Variants in RASGRF2 observed in about 807,000 individuals in gnomAD.
The protein encoded by RASGRF2 is Ras protein specific guanine nucleotide releasing factor 2.
A neutral mutation model predicts 151.0 loss-of-function variants in RASGRF2; 76 were observed. The ratio of observed to expected loss-of-function variants is 0.50; its 90% confidence interval spans 0.42 to 0.61. The LOEUF (loss-of-function observed/expected upper bound fraction) is 0.61, where lower values mean the gene tolerates loss of function less well. Ranked by LOEUF, RASGRF2 falls within the 20% of genes least tolerant of loss-of-function variation. The pLI is 0.00. For synonymous variants in RASGRF2, 504 were observed against 566.5 expected, an observed-to-expected ratio of 0.89 and a Z score of 1.57; for missense variants, 1,148 against 1,564.6, an observed-to-expected ratio of 0.73 and a Z score of 4.49.
At chr5:81,056,576 G>T (rs1751220851) in intron 2 of RASGRF2, among the ~76,000 whole-genome samples, 1 of 152,128 alleles carries the variant, frequency 6.6e-6, no homozygotes, top group African/African-American at 2.4e-5. Flanking sequence ...AATAAGTGCG[G>T]TGTGGTGCTG....
chr5:80,977,699 C>T (rs375623777), intron 1 of RASGRF2, among the ~76,000 whole-genome samples: 23 of 152,282 alleles, frequency 1.5e-4, no homozygotes, highest in South Asian at 4.1e-4. Flanking sequence ...TCAGGTGATC[C>T]GCCTGCTTCG....
chr5:81,041,783 C>T (rs939404235), intron 1 of RASGRF2, among the ~76,000 whole-genome samples: 1 of 152,146 alleles, frequency 6.6e-6, no homozygotes, highest in African/African-American at 2.4e-5. Context: ...CTTGGATTTG[C>T]GTAACCTCCA....
intron 2 of RASGRF2, among the ~76,000 whole-genome samples, chr5:81,044,045 G>A (rs1429205225): frequency 6.6e-6 from 1 of 152,158 alleles, no homozygotes. Context: ...GAGGGATTGG[G>A]GCACATTCAT....
At chr5:81,178,095 A>G (rs560052135) in intron 17 of RASGRF2, among the ~76,000 whole-genome samples, 31 of 152,324 alleles carry the variant, frequency 2.0e-4, no homozygotes, top group Non-Finnish European at 3.4e-4. Flanking sequence ...AGAGAGGAAA[A>G]CAAATTTGAG....
chr5:81,166,183 T>G (rs1198085489), intron 17 of RASGRF2, among the ~76,000 whole-genome samples: 1 of 152,032 alleles, frequency 6.6e-6, no homozygotes, highest in Non-Finnish European at 1.5e-5. Flanking sequence ...TTTTTTTCTT[T>G]TCTTCTTTTT....
At chr5:81,123,493 G>A (rs966057169) in intron 15 of RASGRF2, 149 bp from the exon 16 acceptor site, 1 of 974,474 alleles carries the variant, frequency 1.0e-6, no homozygotes, top group Non-Finnish European at 1.5e-6. Flanking sequence ...TTTAGATTTA[G>A]TGTCATTAGT....
chr5:81,058,652 A>G (rs1751308325), intron 2 of RASGRF2, among the ~76,000 whole-genome samples: 1 of 152,044 alleles, frequency 6.6e-6, no homozygotes, highest in Admixed American at 6.5e-5. Flanking sequence ...AAACACAAAC[A>G]ATTGGCCATG....
chr5:81,090,288 G>A (rs1302978822), intron 9 of RASGRF2, among the ~76,000 whole-genome samples: 1 of 152,150 alleles, frequency 6.6e-6, no homozygotes, highest in Non-Finnish European at 1.5e-5. Flanking sequence ...CCATTCTGTG[G>A]GAATGAAGTG....
chr5:81,072,677 A>G (rs1751813069), intron 4 of RASGRF2, among the ~76,000 whole-genome samples: 1 of 152,204 alleles, frequency 6.6e-6, no homozygotes, highest in Non-Finnish European at 1.5e-5. Flanking sequence ...GTCTGGTAAC[A>G]CGAGATTAAA....
rs147551564 is a variant in RASGRF2, at chr5:81,212,397, A to G, written c.3188A>G (p.Asn1063Ser). 3.9e-5 allele frequency: 63 copies of G among 1,612,214 alleles called. No homozygotes were observed. The African/African-American group carries it at 7.6e-4, about 19-fold the overall frequency. Residue 1063 changes from asparagine to serine, a missense_variant, in exon 23 of 27, where the codon AAC becomes AGC. By Grantham distance (46) the Asn-to-Ser change is conservative. This residue lies in a region of RASGRF2 where 646 missense variants were observed against 807.4 expected (regional missense o/e 0.80). Transcript: ENST00000265080. ...AACCTGGTGGCCTCCCAGATAATGA[A>G]CTATGCTGATGTCAGCTCCCGTGCC... ...MSNLVASQIM[N>S]YADVSSRANA...
At chr5:81,141,527 A>G (rs1279491372) in intron 17 of RASGRF2, among the ~76,000 whole-genome samples, 1 of 152,182 alleles carries the variant, frequency 6.6e-6, no homozygotes, top group Non-Finnish European at 1.5e-5. Context: ...AGATCTCTCC[A>G]CTGCTAAACT....
chr5:81,004,254 T>C (rs1276479690), intron 1 of RASGRF2, among the ~76,000 whole-genome samples: 1 of 152,244 alleles, frequency 6.6e-6, no homozygotes, highest in Non-Finnish European at 1.5e-5. Flanking sequence ...AGCAGTTTCC[T>C]GTCATTTAAC....
chr5:81,190,847 C>T (rs1165580915), intron 18 of RASGRF2, among the ~76,000 whole-genome samples: 3 of 152,286 alleles, frequency 2.0e-5, no homozygotes, highest in East Asian at 1.9e-4. Flanking sequence ...CATTAGCTGC[C>T]GAAACAGAAA....
chr5:81,228,121 T>G lies in RASGRF2; in HGVS notation c.*2351T>G, dbSNP rs1423168627. The G allele has an allele frequency of 6.6e-6, 1 of 152,530 alleles. No homozygotes were observed. Among genetic ancestry groups the G allele is most frequent in the Non-Finnish European group, 1.5e-5 (1 of 68,302 alleles). 9.4% of individuals were successfully genotyped at this position (152,530 alleles called of 1,614,324 possible). On this transcript the variant is annotated 3_prime_UTR_variant, in exon 27 of 27. Transcript: ENST00000265080. ...TTGTTTGAAAAACAGGGTCTCACCA[T>G]GTTGCCCAGGCTGGTCTCGAACTCC...
chr5:81,038,872 G>A (rs917850073), intron 1 of RASGRF2, among the ~76,000 whole-genome samples: 1 of 152,052 alleles, frequency 6.6e-6, no homozygotes, highest in Non-Finnish European at 1.5e-5. Flanking sequence ...CCCTGTGCCC[G>A]GCCTATATTC....
chr5:81,207,179 C>T, intron 20 of RASGRF2, 67 bp from the exon 21 acceptor site: 1 of 1,328,488 alleles, frequency 7.5e-7, no homozygotes, highest in African/African-American at 1.4e-5. Context: ...GTCTGCCTCA[C>T]TGACCTGCAA....
chr5:81,208,134 G>A (rs1042040061), intron 21 of RASGRF2, among the ~76,000 whole-genome samples: 3 of 152,186 alleles, frequency 2.0e-5, no homozygotes, highest in African/African-American at 7.2e-5. Context: ...ACATTTATAA[G>A]AGAAAGCTGG....
At chr5:80,961,432 G>C (rs1747551999) in intron 1 of RASGRF2, among the ~76,000 whole-genome samples, 1 of 152,204 alleles carries the variant, frequency 6.6e-6, no homozygotes, top group Admixed American at 6.5e-5. Flanking sequence ...TTTGATTTCT[G>C]CCATACCCGG....
At chr5:81,224,173 G>GA (rs961526730) in intron 26 of RASGRF2, among the ~76,000 whole-genome samples, 3 of 151,656 alleles carry the variant, frequency 2.0e-5, no homozygotes, top group Admixed American at 6.6e-5. Context: ...ATTCATAGAA[G>GA]AAAAAAAATG....
Sources: allele counts gnomAD v4.1 joint callset (sites outside exome capture counted in the v4.1 genomes callset), GRCh38; gene constraint gnomAD v4.1.1; regional missense constraint gnomAD v4.1.1; transcripts MANE v1.5; gene names NCBI Gene and HGNC (gene_info 2026-07-23, HGNC 2026-07-21).